PRRG1: variants seen among roughly 807,000 people sequenced by gnomAD.
The protein encoded by PRRG1 is transmembrane gamma-carboxyglutamic acid protein 1.
PRRG1 carries 5 observed loss-of-function variants against 11.8 expected under a neutral mutation model. The ratio of observed to expected loss-of-function variants is 0.42; its 90% CI spans 0.22 to 0.89. PRRG1 has a LOEUF of 0.89. Among genes scored for constraint, PRRG1 ranks in the 40% least tolerant of loss-of-function variants. PRRG1 has a pLI of 0.28. For synonymous variants in PRRG1, 66 were observed against 60.4 expected (o/e 1.09, Z -0.43); for missense variants, 155 against 166.1 (o/e 0.93, Z 0.37).
intron 1 of PRRG1, among the ~76,000 whole-genome samples, chrX:37,362,724 A>G (rs1316714113): frequency 9.0e-6 from 1 of 111,232 alleles, no homozygotes; most frequent in Non-Finnish European, 1.9e-5. Context: ...GGTTCCCACT[A>G]CCAGGAACCA....
At chrX:37,376,549 G>GTATATATATATATATATATA (rs1491489103) in intron 1 of PRRG1, among the ~76,000 whole-genome samples, 1,088 of 15,886 alleles carry the variant, frequency 0.068, 190 homozygotes, top group Middle Eastern at 0.095. Context: ...AGAAATGTGA[G>GTATATATATATATATATATA]TGTATATATA....
chrX:37,419,710 T>G (rs1556386342), intron 2 of PRRG1, among the ~76,000 whole-genome samples: 1 of 111,229 alleles, frequency 9.0e-6, no homozygotes. Context: ...CTAAGGCTCA[T>G]GTGTACAGAA....
chrX:37,438,732 C>T (rs1475365228), intron 3 of PRRG1, among the ~76,000 whole-genome samples: 2 of 111,405 alleles, frequency 1.8e-5, no homozygotes, highest in Admixed American at 9.5e-5. Flanking sequence ...CCACCATGCC[C>T]GGCCCTTTTC....
chrX:37,381,669 CT>C (rs1242147830), intron 1 of PRRG1, among the ~76,000 whole-genome samples: 14 of 111,087 alleles, frequency 1.3e-4, no homozygotes, highest in Non-Finnish European at 1.9e-5. Context: ...TATTTTTAAA[CT>C]TTTATTTTAT....
intron 1 of PRRG1, among the ~76,000 whole-genome samples, chrX:37,372,912 T>C (rs1432764351): frequency 8.9e-6 from 1 of 112,709 alleles, no homozygotes; most frequent in East Asian, 2.8e-4. Context: ...TTTCTACTAG[T>C]AGGTTTATAG....
chrX:37,423,303 TA>T (rs1294243578), intron 2 of PRRG1, among the ~76,000 whole-genome samples: 4 of 110,186 alleles, frequency 3.6e-5, no homozygotes, highest in African/African-American at 1.3e-4. Flanking sequence ...AATTTTTAAA[TA>T]GGAAAAAGGC....
At chrX:37,420,668 C>CAAAA (rs1302856034) in intron 2 of PRRG1, among the ~76,000 whole-genome samples, 9 of 29,439 alleles carry the variant, frequency 3.1e-4, no homozygotes, top group African/African-American at 7.1e-4. Flanking sequence ...CCCGTCTATG[C>CAAAA]AAAAAAAAAA....
rs1221905787 is a variant in PRRG1, at chrX:37,398,505, A to T, written c.-41-7704A>T. On this transcript the variant is annotated intron_variant, in intron 1 of 3. Transcript: ENST00000378628. ...TATATCACCATCATCAAAGACCAAA[A>T]GTAGATAAAACCACAAAGATGGGGA... Among the ~76,000 whole-genome samples the T allele has an allele frequency of 4.5e-5, 5 of 111,706 alleles. No individual in the cohort carries two copies. In the East Asian group the frequency reaches 1.4e-3, roughly 31 times the overall value.
intron 1 of PRRG1, among the ~76,000 whole-genome samples, chrX:37,404,006 T>G (rs1397902427): frequency 8.9e-6 from 1 of 112,559 alleles, no homozygotes; most frequent in African/African-American, 3.2e-5. Flanking sequence ...GTCTCCACCA[T>G]GCTGACCTCT....
intron 1 of PRRG1, among the ~76,000 whole-genome samples, chrX:37,366,725 G>C (rs1457318755): frequency 2.7e-5 from 3 of 111,767 alleles, no homozygotes; most frequent in Admixed American, 9.5e-5. Context: ...CACCCAGCTA[G>C]TATATGTACT....
intron 1 of PRRG1, among the ~76,000 whole-genome samples, chrX:37,397,322 C>T (rs782037548): frequency 2.6e-4 from 29 of 112,245 alleles, no homozygotes; most frequent in Non-Finnish European, 5.3e-4. Flanking sequence ...CACAACTCAT[C>T]AAATTGATTA....
intron 2 of PRRG1, among the ~76,000 whole-genome samples, chrX:37,411,799 A>G (rs1364561157): frequency 1.8e-5 from 2 of 112,130 alleles, no homozygotes; most frequent in African/African-American, 6.5e-5. Flanking sequence ...ACAAAATAGG[A>G]ATAATACTTA....
intron 1 of PRRG1, among the ~76,000 whole-genome samples, chrX:37,401,545 A>T (rs1403826424): frequency 1.8e-5 from 2 of 109,569 alleles, no homozygotes; most frequent in Non-Finnish European, 3.8e-5. Flanking sequence ...ATGGGCAAAA[A>T]CTGGAAGCAT....
intron 2 of PRRG1, among the ~76,000 whole-genome samples, chrX:37,408,986 A>T (rs899700032): frequency 2.1e-4 from 24 of 111,740 alleles, no homozygotes; most frequent in African/African-American, 6.8e-4. Flanking sequence ...TGGTCAGGCA[A>T]TTAGTAGTTG....
intron 1 of PRRG1, among the ~76,000 whole-genome samples, chrX:37,399,400 G>A (rs1556379469): frequency 9.3e-6 from 1 of 107,762 alleles, no homozygotes; most frequent in African/African-American, 3.4e-5. Flanking sequence ...AAGTGAAGGA[G>A]AAATAAAATA....
chrX:37,377,104 C>T (rs188292779), intron 1 of PRRG1, among the ~76,000 whole-genome samples: 1,812 of 111,083 alleles, frequency 0.016, 19 homozygotes, highest in Non-Finnish European at 0.023. Flanking sequence ...AAAATATTTG[C>T]ATATTTTTCA....
intron 3 of PRRG1, among the ~76,000 whole-genome samples, chrX:37,450,261 G>A (rs782071440): frequency 8.9e-6 from 1 of 112,032 alleles, no homozygotes; most frequent in African/African-American, 3.2e-5. Context: ...AAATGACCTT[G>A]ACTTTATCAT....
intron 2 of PRRG1, among the ~76,000 whole-genome samples, chrX:37,419,647 C>A (rs1474645786): frequency 1.8e-5 from 2 of 111,221 alleles, no homozygotes; most frequent in African/African-American, 6.5e-5. Flanking sequence ...ACACATTTGT[C>A]TTCTAATTGT....
chrX:37,424,581 A>G (rs1313133481), intron 2 of PRRG1, among the ~76,000 whole-genome samples: 5 of 110,197 alleles, frequency 4.5e-5, no homozygotes, highest in Admixed American at 9.6e-5. Flanking sequence ...TTCATATTCC[A>G]TAATCATAAT....
Sources: allele counts gnomAD v4.1 joint callset (sites outside exome capture counted in the v4.1 genomes callset), GRCh38; gene constraint gnomAD v4.1.1; transcripts MANE v1.5; gene names NCBI Gene and HGNC (gene_info 2026-07-23, HGNC 2026-07-21).